EVL: variants seen among roughly 807,000 people sequenced by gnomAD.
The protein encoded by EVL is ena/VASP-like protein.
EVL carries 21 observed loss-of-function variants against 59.6 expected under a neutral mutation model. The ratio of observed to expected loss-of-function variants is 0.35; its 90% CI spans 0.25 to 0.51. The LOEUF (loss-of-function observed/expected upper bound fraction) is 0.51. EVL is among the 20% of genes least tolerant of loss of function. The pLI is 0.97. For missense variants in EVL, 462 were observed against 546.6 expected (o/e 0.85, Z 1.54); for synonymous variants, 198 against 203.5 (o/e 0.97, Z 0.23).
chr14:100,042,974 A>G (rs1396803669), intron 1 of EVL, among the ~76,000 whole-genome samples: 1 of 152,158 alleles, frequency 6.6e-6, no homozygotes, highest in Non-Finnish European at 1.5e-5. Context: ...CACCTGAGAT[A>G]TGGCTTCTGT....
At chr14:99,975,805 C>G (rs1388592560) in intron 1 of EVL, among the ~76,000 whole-genome samples, 1 of 152,196 alleles carries the variant, frequency 6.6e-6, no homozygotes, top group Non-Finnish European at 1.5e-5. Flanking sequence ...TAGTTCATGT[C>G]CAGGGGTTGA....
intron 1 of EVL, among the ~76,000 whole-genome samples, chr14:100,029,581 G>T (rs891378175): frequency 6.6e-6 from 1 of 152,158 alleles, no homozygotes; most frequent in Non-Finnish European, 1.5e-5. Context: ...GATTCCATAG[G>T]GATACAGATA....
intron 3 of EVL, among the ~76,000 whole-genome samples, chr14:100,104,902 CTTTTTTTTT>C (rs568203851): frequency 7.2e-4 from 72 of 99,512 alleles, no homozygotes; most frequent in African/African-American, 2.4e-3. Flanking sequence ...CCTCTCTTTA[CTTTTTTTTT>C]TTTTTTTTTT....
At chr14:100,094,489 C>T (rs1885664948) in intron 2 of EVL, among the ~76,000 whole-genome samples, 1 of 152,144 alleles carries the variant, frequency 6.6e-6, no homozygotes, top group Non-Finnish European at 1.5e-5. Context: ...TGCCTGTAAT[C>T]CCAGCACTTT....
At chr14:100,101,535 C>T (rs763410745) in intron 3 of EVL, among the ~76,000 whole-genome samples, 3 of 151,926 alleles carry the variant, frequency 2.0e-5, no homozygotes, top group African/African-American at 4.8e-5. Flanking sequence ...TCCAGCTACT[C>T]GGGAGGCTGA....
intron 1 of EVL, among the ~76,000 whole-genome samples, chr14:100,013,753 C>T (rs1432137500): frequency 4.6e-5 from 7 of 152,154 alleles, no homozygotes; most frequent in African/African-American, 9.7e-5. Context: ...AGGGCCATGC[C>T]GAGGGGCCAG....
chr14:99,999,795 C>T (rs570814523), intron 1 of EVL, among the ~76,000 whole-genome samples: 1 of 152,304 alleles, frequency 6.6e-6, no homozygotes, highest in South Asian at 2.1e-4. Context: ...ACTCTCTTCC[C>T]CTGTGAGGCC....
chr14:100,092,429 C>T (rs1051764843), intron 2 of EVL, among the ~76,000 whole-genome samples: 1 of 152,098 alleles, frequency 6.6e-6, no homozygotes, highest in Admixed American at 6.5e-5. Flanking sequence ...AAATGGAATA[C>T]TATGTAGCAG....
At chr14:100,007,437 G>A (rs934949812) in intron 1 of EVL, among the ~76,000 whole-genome samples, 4 of 152,186 alleles carry the variant, frequency 2.6e-5, no homozygotes, top group East Asian at 1.9e-4. Flanking sequence ...TTAGCTTAGT[G>A]ATTTGGGGGC....
At chr14:100,141,609 A>G (rs1595263954) in intron 12 of EVL, 127 bp from the exon 13 acceptor site, 1 of 824,226 alleles carries the variant, frequency 1.2e-6, no homozygotes, top group East Asian at 2.7e-5. Flanking sequence ...CCACGAGGAG[A>G]CAAGGGTGAC....
intron 2 of EVL, among the ~76,000 whole-genome samples, chr14:100,091,237 G>A (rs1258340469): frequency 6.6e-6 from 1 of 152,070 alleles, no homozygotes; most frequent in Middle Eastern, 3.2e-3. Flanking sequence ...TTTTCTGACT[G>A]GAAGCTGGTC....
chr14:100,004,412 A>G (rs2060965325), intron 1 of EVL, among the ~76,000 whole-genome samples: 1 of 152,208 alleles, frequency 6.6e-6, no homozygotes, highest in Non-Finnish European at 1.5e-5. Flanking sequence ...ATCTCTTATC[A>G]TTTATTAAGA....
intron 11 of EVL, chr14:100,139,073 G>A (rs537105653): frequency 1.3e-5 from 2 of 152,522 alleles, no homozygotes; most frequent in East Asian, 3.9e-4. Context: ...GGAACTTGAG[G>A]CACAGGGTGC....
chr14:100,013,952 GAT>G (rs1294233171), intron 1 of EVL, among the ~76,000 whole-genome samples: 2 of 152,214 alleles, frequency 1.3e-5, no homozygotes, highest in African/African-American at 4.8e-5. Context: ...GATATAGGCA[GAT>G]ATGTGTAATA....
intron 1 of EVL, among the ~76,000 whole-genome samples, chr14:100,079,225 G>A (rs918626174): frequency 1.3e-5 from 2 of 152,264 alleles, no homozygotes; most frequent in Non-Finnish European, 2.9e-5. Context: ...GCTGTTGTGA[G>A]AGAGAAGGCT....
At chr14:100,029,615 C>A (rs369228626) in intron 1 of EVL, among the ~76,000 whole-genome samples, 39 of 152,042 alleles carry the variant, frequency 2.6e-4, no homozygotes, top group African/African-American at 8.9e-4. Context: ...GGGAGGTGGA[C>A]ACAGTTTTGC....
intron 1 of EVL, among the ~76,000 whole-genome samples, chr14:100,036,508 A>G (rs1236181723): frequency 6.6e-6 from 1 of 152,128 alleles, no homozygotes; most frequent in East Asian, 1.9e-4. Context: ...AGCCTTGACC[A>G]TGTGCACTCA....
At chr14:100,133,835 G>A (rs1406691647) in intron 8 of EVL, among the ~76,000 whole-genome samples, 3 of 152,228 alleles carry the variant, frequency 2.0e-5, no homozygotes, top group African/African-American at 7.2e-5. Context: ...TACTCGGGAG[G>A]CTGAGGCAGG....
chr14:100,065,765 A>G (rs567147517), intron 1 of EVL, among the ~76,000 whole-genome samples: 1 of 152,252 alleles, frequency 6.6e-6, no homozygotes, highest in African/African-American at 2.4e-5. Context: ...CTTCTGAGTC[A>G]AGGACTTACT....
Sources: gnomAD v4.1 joint callset for allele counts (sites outside exome capture counted in the v4.1 genomes callset) on GRCh38, gnomAD v4.1.1 for gene constraint, MANE v1.5 for transcripts, NCBI Gene and HGNC (gene_info 2026-07-23, HGNC 2026-07-21) for gene names.